CTNNA3: variants seen among roughly 807,000 people sequenced by gnomAD.
CTNNA3 encodes the protein catenin alpha 3.
Under a neutral mutation model 95.7 loss-of-function variants are expected in CTNNA3, and 76 were observed. That is an observed-to-expected ratio of 0.79 (90% CI 0.66 to 0.96). The LOEUF is 0.96. CTNNA3 is among the 40% of genes least tolerant of loss of function. The pLI is 0.00. For synonymous variants in CTNNA3, 431 were observed against 374.4 expected (o/e 1.15, Z -1.74); for missense variants, 1,191 against 1,089.8 (o/e 1.09, Z -1.31).
At chr10:66,597,540 A>ATGTATG (rs1370074913) in intron 10 of CTNNA3, among the ~76,000 whole-genome samples, 1 of 129,906 alleles carries the variant, frequency 7.7e-6, no homozygotes, top group African/African-American at 2.9e-5. Context: ...ATATATATAT[A>ATGTATG]TATATATATA....
chr10:66,311,358 A>G (rs1303698882), intron 12 of CTNNA3, among the ~76,000 whole-genome samples: 2 of 152,198 alleles, frequency 1.3e-5, no homozygotes, highest in Non-Finnish European at 2.9e-5. Flanking sequence ...GTTAGAGAGA[A>G]TCACACCCAG....
chr10:66,586,361 G>A (rs144987393), intron 10 of CTNNA3, among the ~76,000 whole-genome samples: 43 of 152,128 alleles, frequency 2.8e-4, no homozygotes, highest in East Asian at 1.4e-3. Flanking sequence ...AAAGCTCTCC[G>A]TGAAATACAC....
intron 13 of CTNNA3, among the ~76,000 whole-genome samples, chr10:66,199,785 A>G (rs1176893457): frequency 9.1e-5 from 1 of 11,036 alleles, no homozygotes; most frequent in East Asian, 3.2e-3. Flanking sequence ...ATATATATAT[A>G]TATATATATA....
intron 5 of CTNNA3, among the ~76,000 whole-genome samples, chr10:67,268,436 G>A (rs1362081134): frequency 5.3e-5 from 8 of 152,156 alleles, no homozygotes; most frequent in African/African-American, 1.9e-4. Flanking sequence ...CAGGAGGATT[G>A]CATGAGCCCA....
intron 7 of CTNNA3, among the ~76,000 whole-genome samples, chr10:66,986,958 C>T (rs1208173247): frequency 2.0e-5 from 3 of 152,036 alleles, no homozygotes; most frequent in East Asian, 3.9e-4. Context: ...AAGGTCACAT[C>T]GTCAGAATGG....
At chr10:67,761,068 G>A (rs1223444998) in intron 1 of CTNNA3, among the ~76,000 whole-genome samples, 2 of 152,152 alleles carry the variant, frequency 1.3e-5, no homozygotes, top group Non-Finnish European at 2.9e-5. Context: ...GTAGCCTGTT[G>A]CTCCTAGACT....
chr10:66,840,410 A>ACAC (rs1176067893), intron 7 of CTNNA3, among the ~76,000 whole-genome samples: 52 of 114,682 alleles, frequency 4.5e-4, no homozygotes, highest in African/African-American at 1.8e-3. Context: ...ACACACACAC[A>ACAC]CCCCTCGGTA....
chr10:66,237,052 C>G (rs774404919), intron 13 of CTNNA3, among the ~76,000 whole-genome samples: 4 of 152,006 alleles, frequency 2.6e-5, no homozygotes, highest in Non-Finnish European at 4.4e-5. Context: ...TCACTTCAGC[C>G]CAGGAGTTCA....
chr10:66,124,494 T>C (rs2082726178), intron 13 of CTNNA3, among the ~76,000 whole-genome samples: 1 of 152,222 alleles, frequency 6.6e-6, no homozygotes, highest in Non-Finnish European at 1.5e-5. Context: ...CTCTTCCTGT[T>C]ACCCAGTTCC....
At chr10:66,154,465 A>T (rs763323201) in intron 13 of CTNNA3, among the ~76,000 whole-genome samples, 24 of 151,438 alleles carry the variant, frequency 1.6e-4, no homozygotes, top group African/African-American at 4.8e-4. Flanking sequence ...GCTGCAAAGG[A>T]TGTTTGTTTT....
intron 12 of CTNNA3, among the ~76,000 whole-genome samples, chr10:66,280,926 C>A (rs1205355380): frequency 6.6e-6 from 1 of 151,314 alleles, no homozygotes; most frequent in African/African-American, 2.4e-5. Context: ...TTTGTTTTTA[C>A]AAAACCTTGG....
intron 3 of CTNNA3, among the ~76,000 whole-genome samples, chr10:67,605,671 C>T (rs1057291656): frequency 2.0e-5 from 3 of 152,114 alleles, no homozygotes; most frequent in Non-Finnish European, 2.9e-5. Context: ...AATAAATTCA[C>T]ATAAATACAA....
chr10:67,329,132 G>A (rs1212425357), intron 5 of CTNNA3, among the ~76,000 whole-genome samples: 1 of 152,176 alleles, frequency 6.6e-6, no homozygotes, highest in African/African-American at 2.4e-5. Flanking sequence ...AGCATTTTGG[G>A]AGACCAAGGT....
intron 7 of CTNNA3, among the ~76,000 whole-genome samples, chr10:67,171,386 C>A (rs553902999): frequency 2.7e-3 from 410 of 152,052 alleles, no homozygotes; most frequent in Non-Finnish European, 3.9e-3. Context: ...ACCAGCCTGA[C>A]CAACATGGAG....
intron 12 of CTNNA3, among the ~76,000 whole-genome samples, chr10:66,324,016 T>A (rs1358592019): frequency 2.0e-5 from 3 of 151,886 alleles, no homozygotes; most frequent in Non-Finnish European, 4.4e-5. Context: ...TCCCCATCCA[T>A]TCCACTGAGG....
intron 7 of CTNNA3, among the ~76,000 whole-genome samples, chr10:67,047,081 A>T (rs550641078): frequency 3.3e-5 from 5 of 152,262 alleles, no homozygotes; most frequent in Admixed American, 3.3e-4. Flanking sequence ...TTATCCAGAG[A>T]TGAGTTTAGA....
At chr10:66,991,354 C>T (rs948254265) in intron 7 of CTNNA3, among the ~76,000 whole-genome samples, 1 of 152,028 alleles carries the variant, frequency 6.6e-6, no homozygotes, top group Non-Finnish European at 1.5e-5. Context: ...TAAGATAATC[C>T]TTTTTAAAAT....
At chr10:66,799,251 T>C (rs1248623639) in intron 7 of CTNNA3, among the ~76,000 whole-genome samples, 1 of 151,444 alleles carries the variant, frequency 6.6e-6, no homozygotes, top group Non-Finnish European at 1.5e-5. Flanking sequence ...GTGTGACTAA[T>C]AAAAACTAAA....
chr10:66,303,372 T>A (rs998358710), intron 12 of CTNNA3, among the ~76,000 whole-genome samples: 5 of 152,232 alleles, frequency 3.3e-5, no homozygotes, highest in Non-Finnish European at 7.4e-5. Flanking sequence ...AAATTTAGAA[T>A]AATTAAGATG....
Sources: gnomAD v4.1 joint callset for allele counts (sites outside exome capture counted in the v4.1 genomes callset) on GRCh38, gnomAD v4.1.1 for gene constraint, MANE v1.5 for transcripts, NCBI Gene and HGNC (gene_info 2026-07-23, HGNC 2026-07-21) for gene names.